The following TSPEAR variants were observed in gnomAD, a reference collection of about 807,000 sequenced individuals.
The protein encoded by TSPEAR is thrombospondin-type laminin G domain and EAR repeat-containing protein.
In TSPEAR, 69 loss-of-function variants were observed where a neutral mutation model predicts 71.6. The ratio of observed to expected loss-of-function variants is 0.96; its 90% confidence interval spans 0.79 to 1.18. The LOEUF (loss-of-function observed/expected upper bound fraction) is 1.18, where lower values mean the gene tolerates loss of function less well. TSPEAR is among the 50% of genes most tolerant of loss of function. The pLI, the probability that TSPEAR is intolerant of heterozygous loss-of-function variation, is 0.00. For missense variants in TSPEAR, 971 were observed against 894.9 expected (o/e 1.09, Z -1.09); for synonymous variants, 402 against 387.2 (o/e 1.04, Z -0.45).
At chr21:44,700,978 C>A (rs782240634) in intron 1 of TSPEAR, among the ~76,000 whole-genome samples, 9 of 152,180 alleles carry the variant, frequency 5.9e-5, no homozygotes, top group Non-Finnish European at 8.8e-5. Flanking sequence ...CAGAAACCAA[C>A]AGAACCCTGG....
chr21:44,593,721 C>A lies in TSPEAR; in HGVS notation c.83-25716G>T, dbSNP rs1414879862. On this transcript the variant is annotated intron_variant, in intron 1 of 11. Transcript: ENST00000323084. This position sits in a 1 kb window ranked among gnomAD's most constrained non-coding sequence, Gnocchi z 5.9. ...AAATTACAAACAGGACCTCAGGCCG[C>A]GCCAGGCAAGGGACAAGCCGCGTGC... Among the ~76,000 whole-genome samples the A allele has an allele frequency of 1.3e-5, 2 of 152,196 alleles. No individual in the cohort carries two copies. Among genetic ancestry groups the A allele is most frequent in the African/African-American group, 4.8e-5 (2 of 41,450 alleles).
At chr21:44,690,536 C>CA in intron 1 of TSPEAR, 2 of 985,208 alleles carry the variant, frequency 2.0e-6, no homozygotes, top group Non-Finnish European at 2.4e-6. Context: ...CTGAAGGCTA[C>CA]AGACTCACAG....
intron 1 of TSPEAR, among the ~76,000 whole-genome samples, chr21:44,609,661 G>A (rs587708320): frequency 3.1e-4 from 47 of 152,340 alleles, no homozygotes; most frequent in African/African-American, 1.1e-3. Flanking sequence ...GGAGCATGGG[G>A]ATGAATGAGT....
At chr21:44,564,669 A>G (rs781786569) in intron 2 of TSPEAR, among the ~76,000 whole-genome samples, 1 of 152,178 alleles carries the variant, frequency 6.6e-6, no homozygotes, top group Non-Finnish European at 1.5e-5. Flanking sequence ...AGAAATAGAC[A>G]AGTCAACAAT....
At chr21:44,651,984 T>C (rs1005075531) in intron 1 of TSPEAR, among the ~76,000 whole-genome samples, 2 of 100,788 alleles carry the variant, frequency 2.0e-5, no homozygotes, top group Middle Eastern at 4.4e-3. Context: ...ACTTTCTTTT[T>C]TTTTTTTTTT....
intron 8 of TSPEAR, among the ~76,000 whole-genome samples, chr21:44,524,593 A>G (rs1301219726): frequency 6.6e-6 from 1 of 152,074 alleles, no homozygotes; most frequent in Non-Finnish European, 1.5e-5. Flanking sequence ...TTAGTCAGGT[A>G]GTTAGCCAGT....
chr21:44,518,762 T>C, intron 9 of TSPEAR: 2 of 457,028 alleles, frequency 4.4e-6, no homozygotes, highest in East Asian at 7.1e-5. Context: ...CTATTCCTTG[T>C]GTGATAACGT....
chr21:44,580,332 G>T (rs782197151), intron 1 of TSPEAR: 4 of 1,613,738 alleles, frequency 2.5e-6, no homozygotes, highest in Non-Finnish European at 3.4e-6. Context: ...TGCTGGCAGG[G>T]GGAGGAGGCG....
chr21:44,682,845 G>C (rs1986673271), intron 1 of TSPEAR, among the ~76,000 whole-genome samples: 1 of 152,230 alleles, frequency 6.6e-6, no homozygotes, highest in Admixed American at 6.5e-5. Context: ...CGCTCAAGCA[G>C]CTGAAGCCCT....
At chr21:44,694,532 A>C (rs1367475724) in intron 1 of TSPEAR, among the ~76,000 whole-genome samples, 1 of 152,220 alleles carries the variant, frequency 6.6e-6, no homozygotes, top group African/African-American at 2.4e-5. Context: ...TAACCCACAG[A>C]ATTGTTCACT....
At position 44,529,885 on chromosome 21, in the gene TSPEAR, C is replaced by A. The variant is rs782210775; in HGVS notation, c.703G>T (p.Ala235Ser). Residue 235 changes from alanine (A) to serine (S), a missense_variant, in exon 5 of 12, where the codon GCC becomes TCC. By Grantham distance (99) the Ala-to-Ser change is moderately conservative. Transcript: ENST00000323084. ...GGGATGGACAGCACCGCCAGCGGGGCGTTCCTGCTGGGACACAGCCTTGGG... is the reference window on the plus strand; with the variant it reads ...GGGATGGACAGCACCGCCAGCGGGGAGTTCCTGCTGGGACACAGCCTTGGG... ...ATPRLCPSRNAPLAVLSIPRV... is the reference protein window; with the variant it reads ...ATPRLCPSRNSPLAVLSIPRV... 6.2e-7 allele frequency: 1 copy of A among 1,613,328 alleles called. No individual in the cohort carries two copies. Among genetic ancestry groups the A allele is most frequent in the Admixed American group, 1.7e-5 (1 of 59,994 alleles).
rs587622066 is a variant in TSPEAR, at chr21:44,510,364, G to A, written c.1567-978C>T. 1.4e-4 allele frequency among the ~76,000 whole-genome samples: 21 copies of A among 152,310 alleles called. No homozygotes were observed. In the South Asian group the frequency reaches 4.1e-3, roughly 30 times the overall value. ...CCCGTCCGGAGGGCCTTCTGCCTGA[G>A]GGACATTGCACCACCGGGCCAGGTA... On this transcript the variant is annotated intron_variant, in intron 9 of 11. Coordinates refer to ENST00000323084, the MANE Select transcript of TSPEAR (RefSeq NM_144991.3).
At chr21:44,603,101 G>A (rs1981081033) in intron 1 of TSPEAR, among the ~76,000 whole-genome samples, 1 of 152,040 alleles carries the variant, frequency 6.6e-6, no homozygotes, top group African/African-American at 2.4e-5. Context: ...GCCATCGTAG[G>A]TTTCATGAGG....
intron 2 of TSPEAR, among the ~76,000 whole-genome samples, chr21:44,543,138 G>A (rs187489091): frequency 1.3e-5 from 2 of 151,898 alleles, no homozygotes; most frequent in Admixed American, 6.6e-5. Flanking sequence ...AAATACTAAA[G>A]GGAGCATTAG....
intron 1 of TSPEAR, among the ~76,000 whole-genome samples, chr21:44,657,705 A>T (rs1985233076): frequency 6.6e-6 from 1 of 152,216 alleles, no homozygotes; most frequent in Non-Finnish European, 1.5e-5. Context: ...GCCTGAAAAA[A>T]ATTGACAAAA....
chr21:44,525,663 GTTGGCC>G lies in TSPEAR; in HGVS notation c.1320_1325del (p.Ala441_Asn442del). On this transcript the variant is annotated inframe_deletion, in exon 8 of 12. Transcript: ENST00000323084. ...CCACTCCTGCCCTACCTTCCCGGTG[GTTGGCC>G]ACCGCCAGGAAGTGCTCCCCATCCA... 6.2e-7 allele frequency: 1 copy of G among 1,614,114 alleles called. No homozygotes were observed. Among genetic ancestry groups the G allele is most frequent in the South Asian group, 1.1e-5 (1 of 91,078 alleles).
At position 44,502,089 on chromosome 21, in the gene TSPEAR, A is replaced by G. The variant is rs983597109; in HGVS notation, c.1857-2153T>C. ...TCATCACCAAGTGGCATCGGGTCTAATAACGCGAGGAGATGTCTCACTATA... is the reference window on the plus strand; with the variant it reads ...TCATCACCAAGTGGCATCGGGTCTAGTAACGCGAGGAGATGTCTCACTATA... On this transcript the variant is annotated intron_variant, in intron 11 of 11. Coordinates refer to ENST00000323084, the MANE Select transcript of TSPEAR (RefSeq NM_144991.3). Among the ~76,000 whole-genome samples, 4 of 152,368 alleles carry G rather than the reference A, an allele frequency of 2.6e-5. No individual in the cohort carries two copies. The South Asian group carries it at 8.3e-4, about 32-fold the overall frequency.
chr21:44,514,149 C>T (rs1555913063), intron 9 of TSPEAR, among the ~76,000 whole-genome samples: 2 of 152,222 alleles, frequency 1.3e-5, no homozygotes, highest in Admixed American at 6.5e-5. Context: ...CCAGCCCCTT[C>T]AGGCTGTCCT....
intron 1 of TSPEAR, among the ~76,000 whole-genome samples, chr21:44,663,307 A>G (rs1261833047): frequency 1.3e-5 from 2 of 152,264 alleles, no homozygotes; most frequent in Non-Finnish European, 2.9e-5. Flanking sequence ...TATTAAAAAC[A>G]TGATACAGGA....
Sources: allele counts gnomAD v4.1 joint callset (sites outside exome capture counted in the v4.1 genomes callset), GRCh38; gene constraint gnomAD v4.1.1; non-coding constraint Gnocchi (gnomAD v3.1); transcripts MANE v1.5; gene names NCBI Gene and HGNC (gene_info 2026-07-23, HGNC 2026-07-21).